SLC16A12: variants seen among roughly 807,000 people sequenced by gnomAD.
SLC16A12 encodes solute carrier family 16 member 12, also known as monocarboxylate transporter 12.
In SLC16A12, 17 loss-of-function variants were observed where a neutral mutation model predicts 42.4. The ratio of observed to expected loss-of-function variants is 0.40; its 90% CI spans 0.27 to 0.60. The LOEUF is 0.60. Among genes scored for constraint, SLC16A12 ranks in the 20% least tolerant of loss-of-function variants. The pLI is 0.42. For synonymous variants in SLC16A12, 224 were observed against 229.4 expected (o/e 0.98, Z 0.21); for missense variants, 544 against 623.0 (o/e 0.87, Z 1.35).
At position 89,527,815 on chromosome 10, in the gene SLC16A12, G is replaced by A. The variant is rs536662955; in HGVS notation, c.-47+6686C>T. 3.0e-3 allele frequency among the ~76,000 whole-genome samples: 417 copies of A among 137,480 alleles called. 4 individuals carry two copies. The highest frequency in any genetic ancestry group is 9.9e-3 in the African/African-American group (368 of 37,126). The allele number at this position is 137,480 out of a possible 152,430, so 90.2% of individuals were successfully genotyped here. On this transcript the variant is annotated intron_variant, in intron 2 of 7. Transcript: ENST00000371790. ...AGACCCCATCTCTTAAAAAAAAAAA[G>A]AGAGAGAGAGAGAGAGAAAAGAAAA...
intron 2 of SLC16A12, among the ~76,000 whole-genome samples, chr10:89,488,340 G>T (rs779907252): frequency 6.6e-6 from 1 of 152,188 alleles, no homozygotes; most frequent in Admixed American, 6.5e-5. Context: ...GCACTGATTT[G>T]TGGTCAGTGC....
intron 2 of SLC16A12, among the ~76,000 whole-genome samples, chr10:89,472,617 C>T (rs1367443527): frequency 3.3e-5 from 5 of 149,692 alleles, no homozygotes; most frequent in South Asian, 2.1e-4. Flanking sequence ...CTCAGCCTCT[C>T]GAGTAGCTGG....
intron 2 of SLC16A12, among the ~76,000 whole-genome samples, chr10:89,525,062 CA>C (rs1028810767): frequency 2.7e-5 from 4 of 150,694 alleles, no homozygotes; most frequent in South Asian, 2.1e-4. Context: ...TACTAAAATA[CA>C]AAAAAAAATT....
chr10:89,530,410 G>A (rs890997972), intron 2 of SLC16A12, among the ~76,000 whole-genome samples: 1 of 151,354 alleles, frequency 6.6e-6, no homozygotes, highest in Non-Finnish European at 1.5e-5. Context: ...GTAAAATTTG[G>A]TGGTTTTTTT....
At chr10:89,485,375 G>A (rs1401607341) in intron 2 of SLC16A12, among the ~76,000 whole-genome samples, 2 of 152,192 alleles carry the variant, frequency 1.3e-5, no homozygotes, top group Non-Finnish European at 2.9e-5. Flanking sequence ...AGGGTGAGAT[G>A]GAGAAATGAG....
At chr10:89,497,757 T>C (rs1842942003) in intron 2 of SLC16A12, among the ~76,000 whole-genome samples, 2 of 150,284 alleles carry the variant, frequency 1.3e-5, no homozygotes, top group South Asian at 4.2e-4. Flanking sequence ...AAACCCAACA[T>C]GATTTCATTA....
At chr10:89,448,499 C>T (rs1842039823) in intron 3 of SLC16A12, among the ~76,000 whole-genome samples, 1 of 152,116 alleles carries the variant, frequency 6.6e-6, no homozygotes. Flanking sequence ...GGACCCAAGA[C>T]AAAAACCACA....
At chr10:89,441,776 C>G (rs1294395752) in intron 4 of SLC16A12, among the ~76,000 whole-genome samples, 11 of 152,150 alleles carry the variant, frequency 7.2e-5, no homozygotes, top group African/African-American at 2.2e-4. Context: ...TATCAAAGCC[C>G]AGAAAATCTA....
chr10:89,430,961 T>C lies in SLC16A12; in HGVS notation c.*2103A>G, dbSNP rs1841684964. ...AGGGCAAAGTGCTATTCCAAACAGATATAACTTCATCTTAACTTTGACATT... is the reference window on the plus strand; with the variant it reads ...AGGGCAAAGTGCTATTCCAAACAGACATAACTTCATCTTAACTTTGACATT... On this transcript the variant is annotated 3_prime_UTR_variant, in exon 8 of 8. Coordinates refer to ENST00000371790, the MANE Select transcript of SLC16A12 (RefSeq NM_213606.4). 3.3e-6 allele frequency: 1 copy of C among 303,882 alleles called. No individual in the cohort carries two copies. The highest frequency in any genetic ancestry group is 6.3e-6 in the Non-Finnish European group (1 of 158,856). The allele number at this position is 303,882 out of a possible 1,614,324, so 18.8% of individuals were successfully genotyped here.
chr10:89,471,301 T>A (rs1276005039), intron 2 of SLC16A12, among the ~76,000 whole-genome samples: 1 of 152,216 alleles, frequency 6.6e-6, no homozygotes, highest in Non-Finnish European at 1.5e-5. Flanking sequence ...TGATTTGCTT[T>A]CTGTCAGTAT....
chr10:89,526,865 A>T (rs1276787183), intron 2 of SLC16A12, among the ~76,000 whole-genome samples: 2 of 151,034 alleles, frequency 1.3e-5, no homozygotes, highest in Non-Finnish European at 2.9e-5. Flanking sequence ...ATCCATTAAG[A>T]AATCAAGAAC....
At chr10:89,533,705 T>C (rs553251055) in intron 2 of SLC16A12, among the ~76,000 whole-genome samples, 1 of 152,134 alleles carries the variant, frequency 6.6e-6, no homozygotes, top group Admixed American at 6.5e-5. Context: ...CTGAGAAGTA[T>C]CTGTATATCC....
intron 2 of SLC16A12, among the ~76,000 whole-genome samples, chr10:89,476,490 G>A (rs1842582916): frequency 6.6e-6 from 1 of 152,152 alleles, no homozygotes; most frequent in Non-Finnish European, 1.5e-5. Flanking sequence ...TCCCTAAGAG[G>A]AGGGACCCTG....
chr10:89,483,539 A>T (rs1418130931), intron 2 of SLC16A12, among the ~76,000 whole-genome samples: 1 of 152,170 alleles, frequency 6.6e-6, no homozygotes, highest in Non-Finnish European at 1.5e-5. Context: ...GCCAACCATT[A>T]TAATAATAAA....
chr10:89,529,636 C>G (rs1408217333), intron 2 of SLC16A12, among the ~76,000 whole-genome samples: 1 of 151,690 alleles, frequency 6.6e-6, no homozygotes, highest in African/African-American at 2.4e-5. Context: ...CAACCTACAC[C>G]TCCCAGGTTC....
chr10:89,472,809 A>C (rs1184905898), intron 2 of SLC16A12, among the ~76,000 whole-genome samples: 2 of 148,362 alleles, frequency 1.3e-5, no homozygotes, highest in Non-Finnish European at 3.0e-5. Flanking sequence ...TTTTCTTTTA[A>C]ATTTTTTTCT....
At chr10:89,442,154 A>G (rs920737785) in intron 4 of SLC16A12, among the ~76,000 whole-genome samples, 1 of 152,192 alleles carries the variant, frequency 6.6e-6, no homozygotes, top group African/African-American at 2.4e-5. Flanking sequence ...TCATTTTTGT[A>G]TTGATCAGAC....
intron 2 of SLC16A12, among the ~76,000 whole-genome samples, chr10:89,526,704 T>G (rs1157545047): frequency 6.6e-6 from 1 of 152,218 alleles, no homozygotes; most frequent in Non-Finnish European, 1.5e-5. Context: ...CCTGCTCAGA[T>G]AGCAGAAGGG....
At chr10:89,500,261 A>C (rs532598533) in intron 2 of SLC16A12, among the ~76,000 whole-genome samples, 2 of 152,318 alleles carry the variant, frequency 1.3e-5, no homozygotes, top group South Asian at 4.1e-4. Context: ...CAAGATAGAG[A>C]AATAGGGAAC....
Sources: allele counts gnomAD v4.1 joint callset (sites outside exome capture counted in the v4.1 genomes callset), GRCh38; gene constraint gnomAD v4.1.1; transcripts MANE v1.5; gene names NCBI Gene and HGNC (gene_info 2026-07-23, HGNC 2026-07-21).